Variants in ZNF749 observed in about 807,000 individuals in gnomAD.
The protein encoded by ZNF749 is zinc finger protein 749.
Under a neutral mutation model 7.3 loss-of-function variants are expected in ZNF749, and 8 were observed. The observed-to-expected ratio is 1.10, with a 90% confidence interval of 0.64 to 1.98. ZNF749 has a LOEUF of 1.98. ZNF749 is among the 30% of genes most tolerant of loss of function. The probability of loss-of-function intolerance (pLI) is 0.00; values close to 1 mark genes in which losing one functional copy is unlikely to be tolerated. For synonymous variants in ZNF749, 310 were observed against 322.4 expected, an observed-to-expected ratio of 0.96 and a Z score of 0.41; for missense variants, 898 against 932.4, an observed-to-expected ratio of 0.96 and a Z score of 0.48.
At chr19:57,429,264 G>A in the ZNF749 span, among the ~76,000 whole-genome samples, 1 of 152,160 alleles carries the variant, frequency 6.6e-6, no homozygotes, top group South Asian at 2.1e-4. The surrounding 1 kb of genome is among the most constrained non-coding windows in gnomAD (Gnocchi z 4.2). Flanking sequence ...GACCTCAGGT[G>A]ATCTGCCTGC....
upstream of ZNF749, among the ~76,000 whole-genome samples, chr19:57,430,920 G>A (rs988419103): frequency 1.3e-5 from 2 of 151,706 alleles, no homozygotes; most frequent in Non-Finnish European, 2.9e-5. Flanking sequence ...CGTGCCTGTA[G>A]TCCCTGCTAC....
In ZNF749 at chr19:57,446,638, T is replaced by C. The variant is rs933703798; in HGVS notation, c.*1153T>C. Among the ~76,000 whole-genome samples, 1 of 152,228 alleles carries C rather than the reference T, an allele frequency of 6.6e-6. No individual in the cohort carries two copies. The highest frequency in any genetic ancestry group is 1.5e-5 in the Non-Finnish European group (1 of 68,042). On this transcript the variant is annotated 3_prime_UTR_variant, in exon 3 of 3. Transcript: ENST00000334181. ...GCCGAATAAAATCCCATTGTAGTCA[T>C]GTGTCGCCTAACAAGAGGACTGTGT... is the stretch of plus-strand genomic sequence containing the variant.
rs1568543140 is a variant in ZNF749, at chr19:57,435,576, CCGA to C, written c.-2_1del. ...CCTGGGTGGACTGGAGGAGGCCGCG[CCGA>C]TGAACCTGACCGAGGTGCGTGCAGC... On this transcript the variant is annotated start_lost and 5_prime_UTR_variant, in exon 1 of 3. Transcript: ENST00000334181. 6.2e-7 allele frequency: 1 copy of C among 1,605,696 alleles called. No individual in the cohort carries two copies. The highest frequency in any genetic ancestry group is 8.5e-7 in the Non-Finnish European group (1 of 1,177,300).
At chr19:57,435,677 T>G (rs1190464591) in intron 1 of ZNF749, 84 bp downstream of exon 1, 1 of 1,545,588 alleles carries the variant, frequency 6.5e-7, no homozygotes, top group African/African-American at 1.4e-5. Context: ...GGTTAGGCCC[T>G]TGTGTCTCTA....
chr19:57,435,771 G>A, intron 1 of ZNF749, 178 bp downstream of exon 1: 2 of 1,275,782 alleles, frequency 1.6e-6, no homozygotes, highest in Non-Finnish European at 2.1e-6. Context: ...AGACCGACAC[G>A]TCTCTGGGGC....
At chr19:57,435,669 T>G in intron 1 of ZNF749, 76 bp downstream of exon 1, 2 of 1,558,154 alleles carry the variant, frequency 1.3e-6, no homozygotes, top group Non-Finnish European at 1.7e-6. Context: ...GCCCTGCAGG[T>G]TAGGCCCTTG....
chr19:57,443,305 G>A lies in ZNF749; in HGVS notation c.157G>A (p.Ala53Thr), dbSNP rs772623530. The change falls in exon 3 of 3, where the codon GCC (alanine) becomes ACC (threonine). Residue 53 changes from alanine (A) to threonine (T), a missense_variant. By Grantham distance (58) the Ala-to-Thr change is moderately conservative. Coordinates refer to ENST00000334181, the MANE Select transcript of ZNF749 (RefSeq NM_001023561.4). ...TGTTCTTACAGGTTGTTGGCATGGA[G>A]CCAAGGATGAGGAGGTACCTTCCAA... is the stretch of plus-strand genomic sequence containing the variant. ...LLSSVGCWHG[A>T]KDEEVPSKQC... The A allele has an allele frequency of 6.2e-7, 1 of 1,603,484 alleles. No homozygotes were observed. Among genetic ancestry groups the A allele is most frequent in the Non-Finnish European group, 8.5e-7 (1 of 1,173,252 alleles).
intron 1 of ZNF749, among the ~76,000 whole-genome samples, chr19:57,438,956 G>A (rs889698711): frequency 6.6e-6 from 1 of 152,194 alleles, no homozygotes; most frequent in African/African-American, 2.4e-5. Flanking sequence ...ATCTGGTCGT[G>A]ATAGAGTATG....
At chr19:57,437,406 T>G (rs2088945717) in intron 1 of ZNF749, among the ~76,000 whole-genome samples, 1 of 152,136 alleles carries the variant, frequency 6.6e-6, no homozygotes, top group African/African-American at 2.4e-5. Flanking sequence ...CAAAGCTTTA[T>G]ATATATATCA....
intron 1 of ZNF749, among the ~76,000 whole-genome samples, chr19:57,438,998 C>A (rs2088961483): frequency 6.6e-6 from 1 of 152,126 alleles, no homozygotes; most frequent in Admixed American, 6.6e-5. Flanking sequence ...GCATACAGGG[C>A]ATGCGGGATC....
the ZNF749 span, chr19:57,428,721 G>T: frequency 6.6e-6 from 1 of 152,152 alleles, no homozygotes; most frequent in Admixed American, 6.6e-5. Flanking sequence ...TTAAGTGTAT[G>T]GGAAGATATT....
In ZNF749 at chr19:57,443,633, C is replaced by T. The variant is rs1307412139; in HGVS notation, c.485C>T (p.Thr162Ile). The T allele has an allele frequency of 6.2e-7, 1 of 1,614,226 alleles. No individual in the cohort carries two copies. The highest frequency in any genetic ancestry group is 1.7e-5 in the Admixed American group (1 of 60,034). ...TGCACGCAGGGTGGCAAGGATTTTA[C>T]TGCCAGCTCAGACCTTCTCCAGCAA... ...FTCTQGGKDF[T>I]ASSDLLQQQV... The change falls in exon 3 of 3, where the codon ACT (threonine) becomes ATT (isoleucine). Residue 162 changes from threonine (T) to isoleucine (I), a missense_variant. Physicochemically the swap from Thr to Ile is moderately conservative, Grantham distance 89. Coordinates refer to ENST00000334181, the MANE Select transcript of ZNF749 (RefSeq NM_001023561.4).
At chr19:57,430,826 G>C (rs146368388), upstream of ZNF749, among the ~76,000 whole-genome samples, 19 of 152,228 alleles carry the variant, frequency 1.2e-4, no homozygotes, top group South Asian at 6.2e-4. Context: ...CAGATCACGA[G>C]GTCAGGAGAT....
chr19:57,440,087 G>A (rs957660595), intron 1 of ZNF749, among the ~76,000 whole-genome samples: 2 of 152,168 alleles, frequency 1.3e-5, no homozygotes, highest in Non-Finnish European at 2.9e-5. Context: ...TTATGTTGGG[G>A]GCAGCCTGTG....
At chr19:57,430,883 A>G (rs2088895921), upstream of ZNF749, among the ~76,000 whole-genome samples, 2 of 152,022 alleles carry the variant, frequency 1.3e-5, no homozygotes, top group African/African-American at 4.8e-5. Flanking sequence ...TTACTAAAAT[A>G]CAAAAAATTA....
chr19:57,434,258 C>T (rs1455048136), upstream of ZNF749, among the ~76,000 whole-genome samples: 1 of 152,098 alleles, frequency 6.6e-6, no homozygotes, highest in Non-Finnish European at 1.5e-5. Context: ...CCACCATGCC[C>T]GTCTAATTTT....
upstream of ZNF749, among the ~76,000 whole-genome samples, chr19:57,434,528 C>A (rs773982764): frequency 6.6e-6 from 1 of 152,104 alleles, no homozygotes; most frequent in African/African-American, 2.4e-5. Context: ...CTTCCAGTTG[C>A]GCCTTTCCAG....
At chr19:57,431,590 A>G (rs1185905865), upstream of ZNF749, among the ~76,000 whole-genome samples, 2 of 152,076 alleles carry the variant, frequency 1.3e-5, no homozygotes, top group East Asian at 1.9e-4. Flanking sequence ...GAACACGACA[A>G]TCTTCACACC....
In ZNF749 at chr19:57,442,079, C is replaced by T. The variant is rs1600104566; in HGVS notation, c.142+68C>T. On this transcript the variant is annotated intron_variant, in intron 2 of 2. Coordinates refer to ENST00000334181, the MANE Select transcript of ZNF749 (RefSeq NM_001023561.4). This position sits in a 1 kb window ranked among gnomAD's most constrained non-coding sequence, Gnocchi z 6.6. ...GTTTTTTTGCTCTTTTCCATGACAA[C>T]TCTGTCTTTCCCACACCAGATTGTG... 7 of 1,576,998 alleles carry T rather than the reference C, an allele frequency of 4.4e-6. No homozygotes were observed. The highest frequency in any genetic ancestry group is 4.5e-5 in the East Asian group (2 of 44,532).
Sources: allele counts gnomAD v4.1 joint callset (sites outside exome capture counted in the v4.1 genomes callset), GRCh38; gene constraint gnomAD v4.1.1; non-coding constraint Gnocchi (gnomAD v3.1); transcripts MANE v1.5; gene names NCBI Gene and HGNC (gene_info 2026-07-23, HGNC 2026-07-21).